RIMS1: variants seen among roughly 807,000 people sequenced by gnomAD.
RIMS1 encodes the protein regulating synaptic membrane exocytosis protein 1.
Under a neutral mutation model 214.1 loss-of-function variants are expected in RIMS1, and 83 were observed. That is an observed-to-expected ratio of 0.39 (90% CI 0.32 to 0.47). RIMS1 has a LOEUF of 0.47. Among genes scored for constraint, RIMS1 ranks in the 20% least tolerant of loss-of-function variants. RIMS1 has a pLI of 0.99. For missense variants in RIMS1, 2,050 were observed against 2,161.8 expected, an observed-to-expected ratio of 0.95 and a Z score of 1.03; for synonymous variants, 793 against 786.8, an observed-to-expected ratio of 1.01 and a Z score of -0.13.
intron 6 of RIMS1, among the ~76,000 whole-genome samples, chr6:72,186,793 A>G (rs2049175718): frequency 6.8e-6 from 1 of 147,426 alleles, no homozygotes; most frequent in Admixed American, 6.7e-5. Context: ...CCCCCCATAT[A>G]TATGTGTCCG....
chr6:72,401,731 A>G lies in RIMS1; in HGVS notation c.*1017A>G, dbSNP rs1056973406. On this transcript the variant is annotated 3_prime_UTR_variant, in exon 34 of 34. Transcript: ENST00000521978. ...ATTTGAGCCTAAGACACTTTGAGCT[A>G]TGCCCAGGCTTCTCAGCCATACCTC... The G allele has an allele frequency of 5.9e-5, 9 of 152,660 alleles. No homozygotes were observed. Among genetic ancestry groups the G allele is most frequent in the African/African-American group, 2.2e-4 (9 of 41,460 alleles). 9.5% of individuals were successfully genotyped at this position (152,660 alleles called of 1,614,324 possible).
intron 29 of RIMS1, among the ~76,000 whole-genome samples, chr6:72,368,292 A>ATTTTTTTT (rs1168375463): frequency 2.5e-5 from 2 of 79,112 alleles, no homozygotes; most frequent in Non-Finnish European, 5.0e-5. Context: ...GTGTTGTCTG[A>ATTTTTTTT]TTTTTTTTTT....
chr6:71,927,657 T>C (rs1781931249), intron 1 of RIMS1, among the ~76,000 whole-genome samples: 1 of 152,096 alleles, frequency 6.6e-6, no homozygotes. Flanking sequence ...GTTTAATTTC[T>C]AGGGAAATCT....
chr6:72,303,052 T>G (rs2094791596), intron 26 of RIMS1, among the ~76,000 whole-genome samples: 1 of 150,936 alleles, frequency 6.6e-6, no homozygotes, highest in Admixed American at 6.6e-5. Context: ...TTATATAAAT[T>G]AAATTTATGA....
chr6:71,902,726 G>A (rs1046776172), intron 1 of RIMS1, among the ~76,000 whole-genome samples: 9 of 151,916 alleles, frequency 5.9e-5, no homozygotes, highest in African/African-American at 2.2e-4. Context: ...CTCTCCATGT[G>A]TCCATGTGTT....
chr6:72,213,137 G>C, intron 6 of RIMS1: 2 of 1,537,024 alleles, frequency 1.3e-6, no homozygotes, highest in Non-Finnish European at 1.7e-6. Context: ...GTGCACCTGG[G>C]ATTCATGTCT....
intron 2 of RIMS1, among the ~76,000 whole-genome samples, chr6:71,986,625 T>C (rs1401830320): frequency 2.0e-5 from 3 of 152,246 alleles, no homozygotes; most frequent in African/African-American, 7.2e-5. Flanking sequence ...ATGGAGTTGA[T>C]GGCACCATTA....
chr6:72,138,028 G>T (rs939652640), intron 4 of RIMS1, among the ~76,000 whole-genome samples: 2 of 152,020 alleles, frequency 1.3e-5, no homozygotes. Context: ...GAGCCACCGC[G>T]CCCGGCAAAG....
chr6:72,233,901 TTGTC>T lies in RIMS1; in HGVS notation c.1746+64_1746+67del. 12 of 1,048,890 alleles carry T rather than the reference TTGTC, an allele frequency of 1.1e-5. No homozygotes were observed. In the South Asian group the frequency reaches 1.6e-4, roughly 14 times the overall value. The allele number at this position is 1,048,890 out of a possible 1,614,324, so 65.0% of individuals were successfully genotyped here. ...AATATGTGTGCTCGTTAATTGTCCT[TTGTC>T]TGATATGTGATATCTGCTCTATTAT... On this transcript the variant is annotated intron_variant, in intron 7 of 33. Transcript: ENST00000521978.
At chr6:72,061,720 GA>G (rs2152250075) in intron 2 of RIMS1, among the ~76,000 whole-genome samples, 1 of 152,332 alleles carries the variant, frequency 6.6e-6, no homozygotes, top group African/African-American at 2.4e-5. Context: ...AAAATCAAAA[GA>G]GCCGCCAAAG....
At chr6:71,892,229 A>G (rs545357057) in intron 1 of RIMS1, among the ~76,000 whole-genome samples, 1 of 152,338 alleles carries the variant, frequency 6.6e-6, no homozygotes, top group African/African-American at 2.4e-5. Context: ...TGGAAAGGAA[A>G]CTAACATTTA....
At chr6:71,923,502 G>A (rs1184854779) in intron 1 of RIMS1, among the ~76,000 whole-genome samples, 5 of 151,996 alleles carry the variant, frequency 3.3e-5, no homozygotes, top group Non-Finnish European at 7.4e-5. Context: ...CATGCCTGTT[G>A]ATAATGGTTA....
chr6:72,093,654 G>GTGTT (rs972874264), intron 2 of RIMS1, among the ~76,000 whole-genome samples: 58 of 151,842 alleles, frequency 3.8e-4, no homozygotes, highest in Middle Eastern at 7.0e-3. Flanking sequence ...GATTCCTCAT[G>GTGTT]TGTTAGATTT....
At position 72,218,248 on chromosome 6, in the gene RIMS1, A is replaced by G. The variant is rs116116255; in HGVS notation, c.1679-15525A>G. ...GGCATCACAGTTGTGCTGCAGCCTG[A>G]TGAGGACCTGGACGCAGAGAGGCAC... On this transcript the variant is annotated intron_variant, in intron 6 of 33. Coordinates refer to ENST00000521978, the MANE Select transcript of RIMS1 (RefSeq NM_014989.7). Among the ~76,000 whole-genome samples the G allele has an allele frequency of 5.6e-3, 845 of 152,160 alleles. 9 individuals are homozygous for G. Among genetic ancestry groups the G allele is most frequent in the African/African-American group, 0.02 (824 of 41,506 alleles).
At chr6:72,385,313 A>G (rs1366628172) in intron 29 of RIMS1, among the ~76,000 whole-genome samples, 1 of 152,228 alleles carries the variant, frequency 6.6e-6, no homozygotes, top group Non-Finnish European at 1.5e-5. Flanking sequence ...CATATTACAT[A>G]GATGTAACAC....
At chr6:72,322,403 G>A (rs937256317) in intron 28 of RIMS1, among the ~76,000 whole-genome samples, 9 of 152,046 alleles carry the variant, frequency 5.9e-5, no homozygotes, top group South Asian at 2.1e-4. Flanking sequence ...TGATTTTAAC[G>A]TATGTCTTCA....
intron 29 of RIMS1, among the ~76,000 whole-genome samples, chr6:72,339,433 A>C (rs1246310046): frequency 6.7e-6 from 1 of 149,974 alleles, no homozygotes; most frequent in Non-Finnish European, 1.5e-5. Flanking sequence ...TCCCTCCCCT[A>C]TCCCCCCACC....
chr6:72,081,534 G>T (rs1348355831), intron 2 of RIMS1, among the ~76,000 whole-genome samples: 1 of 152,122 alleles, frequency 6.6e-6, no homozygotes, highest in Non-Finnish European at 1.5e-5. Flanking sequence ...ATTAGTGAAA[G>T]CATTATGACA....
In RIMS1 at chr6:72,134,960, G is replaced by A. The variant is rs546822247; in HGVS notation, c.471+34974G>A. ...TGGAGAGATAAAGGCTTTCCAGAAT[G>A]TGACATTCAGTTTGAGTACATTTAG... On this transcript the variant is annotated intron_variant, in intron 4 of 33. Transcript: ENST00000521978. 1.4e-4 allele frequency among the ~76,000 whole-genome samples: 22 copies of A among 152,196 alleles called. No individual in the cohort carries two copies. The South Asian group carries it at 1.5e-3, about 10-fold the overall frequency.
Sources: allele counts gnomAD v4.1 joint callset (sites outside exome capture counted in the v4.1 genomes callset), GRCh38; gene constraint gnomAD v4.1.1; transcripts MANE v1.5; gene names NCBI Gene and HGNC (gene_info 2026-07-23, HGNC 2026-07-21).